SCAI: variants seen among roughly 807,000 people sequenced by gnomAD.
SCAI encodes suppressor of cancer cell invasion, also known as protein SCAI.
A neutral mutation model predicts 92.2 loss-of-function variants in SCAI; 24 were observed. The observed-to-expected ratio is 0.26, with a 90% CI of 0.19 to 0.37. The LOEUF (loss-of-function observed/expected upper bound fraction) is 0.37. Among genes scored for constraint, SCAI ranks in the 10% least tolerant of loss-of-function variants. SCAI has a pLI of 1.00. For synonymous variants in SCAI, 261 were observed against 258.6 expected, an observed-to-expected ratio of 1.01 and a Z score of -0.09; for missense variants, 450 against 736.2, an observed-to-expected ratio of 0.61 and a Z score of 4.50.
In SCAI at chr9:124,973,515, T is replaced by C. The variant is rs530488197; in HGVS notation, c.1400-1671A>G. Among the ~76,000 whole-genome samples, 3 of 152,258 alleles carry C rather than the reference T, an allele frequency of 2.0e-5. No individual in the cohort carries two copies. The South Asian group carries it at 6.2e-4, about 32-fold the overall frequency. On this transcript the variant is annotated intron_variant, in intron 15 of 17. Coordinates refer to ENST00000336505, the MANE Select transcript of SCAI (RefSeq NM_001144877.3). ...GTGTTCAAGGCCAGCCTGGCCAACA[T>C]GGCAAAACCCTGTCTCTAGTGAAAA...
At chr9:125,101,725 G>A (rs1400964097) in intron 2 of SCAI, among the ~76,000 whole-genome samples, 1 of 152,126 alleles carries the variant, frequency 6.6e-6, no homozygotes, top group Non-Finnish European at 1.5e-5. Flanking sequence ...AGAAATACAG[G>A]GATGAATACA....
chr9:125,003,422 C>T (rs757333837), intron 10 of SCAI, 47 bp downstream of exon 10: 14 of 1,294,656 alleles, frequency 1.1e-5, no homozygotes, highest in South Asian at 2.4e-5. Context: ...ACAGGAGAGA[C>T]GCAGCCAGAG....
chr9:124,979,050 G>A (rs374207923), intron 14 of SCAI, among the ~76,000 whole-genome samples: 54 of 151,602 alleles, frequency 3.6e-4, no homozygotes, highest in African/African-American at 1.2e-3. Flanking sequence ...TAGTAGAGAC[G>A]GGGTTTCGCC....
intron 2 of SCAI, among the ~76,000 whole-genome samples, chr9:125,068,698 A>G (rs1330092120): frequency 1.3e-5 from 2 of 152,140 alleles, no homozygotes; most frequent in Admixed American, 6.6e-5. Flanking sequence ...TTAAAAATAA[A>G]TTTACACTTG....
chr9:125,019,014 A>C, intron 8 of SCAI, 63 bp from the exon 9 acceptor site: 2 of 1,563,316 alleles, frequency 1.3e-6, no homozygotes, highest in Non-Finnish European at 1.8e-6. Context: ...AGAGTAAGCT[A>C]TTCCTTCTTC....
intron 15 of SCAI, 69 bp from the exon 16 acceptor site, chr9:124,971,913 C>CA: frequency 1.3e-6 from 1 of 793,708 alleles, no homozygotes; most frequent in Middle Eastern, 2.8e-4. Flanking sequence ...ATATGAGGAA[C>CA]ATTTTAATAT....
rs143865850 is a variant in SCAI at position 125,127,055 on chromosome 9, A to G, written c.98+15578T>C. Among the ~76,000 whole-genome samples the G allele has an allele frequency of 7.8e-3, 1,193 of 152,042 alleles. 10 individuals are homozygous for G. The highest frequency in any genetic ancestry group is 0.012 in the Non-Finnish European group (790 of 67,956). On this transcript the variant is annotated intron_variant, in intron 2 of 17. Coordinates refer to ENST00000336505, the MANE Select transcript of SCAI (RefSeq NM_001144877.3). ...AGAAATAAGAAGAAAAATGGGAGCAATTTATCTGAGAAGAAGGAATTCCTT... is the reference window on the plus strand; with the variant it reads ...AGAAATAAGAAGAAAAATGGGAGCAGTTTATCTGAGAAGAAGGAATTCCTT...
intron 2 of SCAI, among the ~76,000 whole-genome samples, chr9:125,061,114 G>A (rs1208745580): frequency 2.6e-5 from 4 of 151,990 alleles, no homozygotes; most frequent in African/African-American, 7.2e-5. Context: ...TGGCTAACAC[G>A]ATGAAACCCT....
intron 2 of SCAI, among the ~76,000 whole-genome samples, chr9:125,073,757 AG>A (rs1288852880): frequency 1.3e-5 from 2 of 152,200 alleles, no homozygotes; most frequent in Non-Finnish European, 2.9e-5. Context: ...AAGATAAAAA[AG>A]AAAAACAAAA....
chr9:124,968,031 G>A (rs1831573739), intron 17 of SCAI, among the ~76,000 whole-genome samples: 1 of 152,046 alleles, frequency 6.6e-6, no homozygotes, highest in African/African-American at 2.4e-5. Flanking sequence ...TTATATTCAG[G>A]TATAGGGATA....
At chr9:124,975,193 A>G in intron 15 of SCAI, 1 of 352,798 alleles carries the variant, frequency 2.8e-6, no homozygotes, top group South Asian at 2.1e-5. Flanking sequence ...TTACTTTTGG[A>G]TACATGAAGT....
chr9:125,085,285 G>A (rs745840877), intron 2 of SCAI, among the ~76,000 whole-genome samples: 4 of 151,932 alleles, frequency 2.6e-5, no homozygotes, highest in African/African-American at 7.3e-5. Flanking sequence ...TCAGGGGTTC[G>A]AGACCGGCCT....
intron 3 of SCAI, among the ~76,000 whole-genome samples, chr9:125,047,550 G>C (rs531678054): frequency 4.7e-4 from 71 of 152,312 alleles, no homozygotes; most frequent in Non-Finnish European, 9.8e-4. Flanking sequence ...ATCTATGTTG[G>C]AGGAGACAAA....
At chr9:125,003,725 G>A (rs1832413462) in intron 9 of SCAI, 155 bp from the exon 10 acceptor site, 2 of 593,970 alleles carry the variant, frequency 3.4e-6, no homozygotes, top group African/African-American at 1.9e-5. Context: ...TTCAAGCGAT[G>A]GAAAGACTGG....
intron 17 of SCAI, among the ~76,000 whole-genome samples, chr9:124,958,571 T>C (rs1831367500): frequency 6.6e-6 from 1 of 152,116 alleles, no homozygotes. Flanking sequence ...AAATAAACCA[T>C]AGACCTACAT....
chr9:125,046,758 C>T (rs1833452950), intron 3 of SCAI, among the ~76,000 whole-genome samples: 1 of 151,054 alleles, frequency 6.6e-6, no homozygotes, highest in Non-Finnish European at 1.5e-5. Context: ...ATTCCCGATC[C>T]AGCTTCTACC....
At chr9:125,107,048 A>C (rs949660805) in intron 2 of SCAI, among the ~76,000 whole-genome samples, 1 of 151,822 alleles carries the variant, frequency 6.6e-6, no homozygotes, top group African/African-American at 2.4e-5. Context: ...ATTGCCCTTG[A>C]ATTATAGGCA....
At chr9:124,961,827 A>G (rs931479004) in intron 17 of SCAI, among the ~76,000 whole-genome samples, 7 of 151,712 alleles carry the variant, frequency 4.6e-5, no homozygotes, top group Non-Finnish European at 7.4e-5. Flanking sequence ...AAATCCATGT[A>G]TAACTTTTAA....
At chr9:125,039,662 C>T (rs1743153087) in intron 3 of SCAI, among the ~76,000 whole-genome samples, 1 of 152,200 alleles carries the variant, frequency 6.6e-6, no homozygotes, top group Admixed American at 6.5e-5. Context: ...ACTCAGACAG[C>T]TAGTGGTCTG....
Sources: allele counts gnomAD v4.1 joint callset (sites outside exome capture counted in the v4.1 genomes callset), GRCh38; gene constraint gnomAD v4.1.1; transcripts MANE v1.5; gene names NCBI Gene and HGNC (gene_info 2026-07-23, HGNC 2026-07-21).